RPS6KC1: variants seen among roughly 807,000 people sequenced by gnomAD.
RPS6KC1 encodes ribosomal protein S6 kinase C1, also known as inactive ribosomal protein S6 kinase delta-1.
Under a neutral mutation model 103.8 loss-of-function variants are expected in RPS6KC1, and 54 were observed. The observed-to-expected ratio is 0.52, with a 90% CI of 0.42 to 0.65. The LOEUF (loss-of-function observed/expected upper bound fraction) is 0.65. Among genes scored for constraint, RPS6KC1 ranks in the 30% least tolerant of loss-of-function variants. The probability of loss-of-function intolerance (pLI) is 0.00; values close to 1 mark genes in which losing one functional copy is unlikely to be tolerated. For synonymous variants in RPS6KC1, 439 were observed against 438.7 expected (o/e 1.00, Z -0.01); for missense variants, 1,151 against 1,253.8 (o/e 0.92, Z 1.24).
the RPS6KC1 span, among the ~76,000 whole-genome samples, chr1:213,531,903 C>T: frequency 2.0e-5 from 3 of 152,140 alleles, no homozygotes; most frequent in African/African-American, 4.8e-5. Context: ...GTCTGAAACT[C>T]GCTGACCAAA....
intron 8 of RPS6KC1, among the ~76,000 whole-genome samples, chr1:213,194,685 C>A (rs981424668): frequency 3.9e-5 from 6 of 152,172 alleles, no homozygotes; most frequent in African/African-American, 1.4e-4. Context: ...GGAGCGCAAA[C>A]CCTATTGTGA....
chr1:213,583,820 CAAAAAAAAAAAAAAAA>C, the RPS6KC1 span, among the ~76,000 whole-genome samples: 1 of 76,668 alleles, frequency 1.3e-5, no homozygotes, highest in Non-Finnish European at 2.6e-5. Flanking sequence ...GATTCTGTCT[CAAAAAAAAAAAAAAAA>C]AAGAAAAAAG....
chr1:213,398,507 A>G, the RPS6KC1 span, among the ~76,000 whole-genome samples: 2 of 152,034 alleles, frequency 1.3e-5, no homozygotes, highest in Admixed American at 1.3e-4. Context: ...ATTCACGGGA[A>G]TGGGTTTTGC....
chr1:213,203,048 G>A (rs1401975853), intron 8 of RPS6KC1, among the ~76,000 whole-genome samples: 1 of 152,052 alleles, frequency 6.6e-6, no homozygotes, highest in Non-Finnish European at 1.5e-5. Flanking sequence ...GGGTCAAACA[G>A]TATATATGCA....
At chr1:213,564,944 G>C in the RPS6KC1 span, among the ~76,000 whole-genome samples, 1 of 152,164 alleles carries the variant, frequency 6.6e-6, no homozygotes, top group African/African-American at 2.4e-5. Context: ...TCGTGTTGCT[G>C]TTCAGAAGTA....
the RPS6KC1 span, among the ~76,000 whole-genome samples, chr1:213,453,739 A>G: frequency 6.6e-6 from 1 of 152,218 alleles, no homozygotes; most frequent in Non-Finnish European, 1.5e-5. Context: ...ACAGGTAAGT[A>G]ACTGAAGGAC....
chr1:213,859,714 C>A, the RPS6KC1 span, among the ~76,000 whole-genome samples: 1 of 152,130 alleles, frequency 6.6e-6, no homozygotes, highest in Non-Finnish European at 1.5e-5. Context: ...AATACTGTGA[C>A]TTTGGAGAGT....
chr1:213,084,779 T>C (rs1402189130), intron 3 of RPS6KC1, among the ~76,000 whole-genome samples: 1 of 152,190 alleles, frequency 6.6e-6, no homozygotes, highest in African/African-American at 2.4e-5. Flanking sequence ...CATATCCCTT[T>C]CCCCCTTTTT....
At chr1:213,285,160 T>C in the RPS6KC1 span, among the ~76,000 whole-genome samples, 1 of 152,208 alleles carries the variant, frequency 6.6e-6, no homozygotes, top group Non-Finnish European at 1.5e-5. Flanking sequence ...TGGGTTCTGG[T>C]GAGGGCTGCC....
At chr1:213,433,352 C>A in the RPS6KC1 span, among the ~76,000 whole-genome samples, 4,448 of 152,264 alleles carry the variant, frequency 0.029, 230 homozygotes, top group African/African-American at 0.1. Flanking sequence ...AGTCAGTAAC[C>A]TTAATTACAA....
chr1:213,435,854 C>A, the RPS6KC1 span, among the ~76,000 whole-genome samples: 1 of 152,174 alleles, frequency 6.6e-6, no homozygotes, highest in East Asian at 1.9e-4. Context: ...CCCCAGCCCC[C>A]ACCCCTGTAC....
At chr1:213,719,259 T>G in the RPS6KC1 span, among the ~76,000 whole-genome samples, 1 of 152,244 alleles carries the variant, frequency 6.6e-6, no homozygotes, top group Non-Finnish European at 1.5e-5. Context: ...TAGTTATTTA[T>G]TTTATTCATT....
At chr1:213,521,682 C>A in the RPS6KC1 span, among the ~76,000 whole-genome samples, 1 of 152,202 alleles carries the variant, frequency 6.6e-6, no homozygotes, top group Admixed American at 6.5e-5. Context: ...GTTGTTATTT[C>A]AACAATGTTC....
At chr1:213,064,728 A>C (rs2078157245) in intron 1 of RPS6KC1, among the ~76,000 whole-genome samples, 2 of 126,344 alleles carry the variant, frequency 1.6e-5, no homozygotes, top group South Asian at 5.0e-4. Flanking sequence ...CCCAGGCTGG[A>C]GTGCAGTGGC....
At chr1:213,267,964 A>G (rs529661186) in intron 14 of RPS6KC1, among the ~76,000 whole-genome samples, 1 of 152,100 alleles carries the variant, frequency 6.6e-6, no homozygotes, top group Admixed American at 6.5e-5. Context: ...CAGTATACAT[A>G]TAATGATAGT....
rs546942502 is a variant in RPS6KC1 at position 213,243,776 on chromosome 1, A to G, written c.2911+1118A>G. Among the ~76,000 whole-genome samples the G allele has an allele frequency of 8.5e-5, 13 of 152,164 alleles. No individual in the cohort carries two copies. The South Asian group carries it at 2.3e-3, about 27-fold the overall frequency. ...AGTTTCAAGCTGATTTTTTTTTGATATAGTCTGCTTAGGTGTTGATCAATA... is the reference window on the plus strand; with the variant it reads ...AGTTTCAAGCTGATTTTTTTTTGATGTAGTCTGCTTAGGTGTTGATCAATA... On this transcript the variant is annotated intron_variant, in intron 12 of 14. Coordinates refer to ENST00000366960, the MANE Select transcript of RPS6KC1 (RefSeq NM_012424.6).
At chr1:213,849,676 A>G in the RPS6KC1 span, among the ~76,000 whole-genome samples, 1 of 152,192 alleles carries the variant, frequency 6.6e-6, no homozygotes, top group Non-Finnish European at 1.5e-5. Flanking sequence ...AAATCACATT[A>G]AATTAATATA....
At chr1:213,411,297 C>A in the RPS6KC1 span, among the ~76,000 whole-genome samples, 2 of 152,166 alleles carry the variant, frequency 1.3e-5, no homozygotes, top group South Asian at 2.1e-4. Context: ...AGGTGAAGAC[C>A]CACCTGGCCG....
chr1:213,069,852 T>C (rs1216567948), intron 1 of RPS6KC1, among the ~76,000 whole-genome samples: 1 of 152,248 alleles, frequency 6.6e-6, no homozygotes, highest in African/African-American at 2.4e-5. Context: ...CCGTATTATG[T>C]AATCTAATGT....
Sources: gnomAD v4.1 joint callset for allele counts (sites outside exome capture counted in the v4.1 genomes callset) on GRCh38, gnomAD v4.1.1 for gene constraint, MANE v1.5 for transcripts, NCBI Gene and HGNC (gene_info 2026-07-23, HGNC 2026-07-21) for gene names.